Variants in GABRA2 observed in about 807,000 individuals in gnomAD.
The protein encoded by GABRA2 is gamma-aminobutyric acid type A receptor subunit alpha2.
GABRA2 carries 16 observed loss-of-function variants against 48.7 expected under a neutral mutation model. The observed-to-expected ratio is 0.33, with a 90% CI of 0.22 to 0.50. The LOEUF is 0.50. GABRA2 is among the 20% of genes least tolerant of loss of function. The pLI is 0.98. For synonymous variants in GABRA2, 185 were observed against 184.5 expected (o/e 1.00, Z -0.02); for missense variants, 275 against 535.6 (o/e 0.51, Z 4.80).
intron 3 of GABRA2, among the ~76,000 whole-genome samples, chr4:46,334,931 G>A (rs934156514): frequency 1.9e-4 from 29 of 152,146 alleles, no homozygotes; most frequent in Non-Finnish European, 2.5e-4. Flanking sequence ...GTCTGGGAAA[G>A]GTATTCTTAA....
chr4:46,339,767 A>T (rs151058885), intron 3 of GABRA2, among the ~76,000 whole-genome samples: 528 of 151,844 alleles, frequency 3.5e-3, no homozygotes, highest in African/African-American at 0.012. Flanking sequence ...ACCTAATAAT[A>T]TCGGAATGCC....
intron 8 of GABRA2, among the ~76,000 whole-genome samples, chr4:46,284,315 T>C (rs1037786763): frequency 6.6e-5 from 10 of 152,186 alleles, no homozygotes; most frequent in Admixed American, 2.0e-4. Flanking sequence ...ATACTGTTAA[T>C]GCATTGTCTA....
intron 6 of GABRA2, among the ~76,000 whole-genome samples, chr4:46,309,549 C>T (rs1727278622): frequency 6.6e-6 from 1 of 151,836 alleles, no homozygotes; most frequent in Non-Finnish European, 1.5e-5. Flanking sequence ...TCCTCCTTTT[C>T]AATTATTCTG....
chr4:46,390,138 G>A, upstream of GABRA2: 1 of 887,470 alleles, frequency 1.1e-6, no homozygotes, highest in Non-Finnish European at 1.3e-6. Context: ...TGGAGGAGGA[G>A]GAGTCAGGCC....
At chr4:46,254,575 C>T (rs1039716437) in intron 9 of GABRA2, among the ~76,000 whole-genome samples, 7 of 151,202 alleles carry the variant, frequency 4.6e-5, no homozygotes, top group African/African-American at 1.7e-4. Context: ...AAAATATACA[C>T]CGTGTTCCAG....
Position 46,243,716 on chromosome 4 carries a change from T to C in GABRA2, c.*6592A>G, listed in dbSNP as rs936202639. On this transcript the variant is annotated 3_prime_UTR_variant, in exon 10 of 10. Transcript: ENST00000381620. Reference sequence around the variant, plus strand: ...AGGTCACAATTACAAATATTAGTTCTTGAGTTATTTTCATGAACCAGAAAA... The same window carrying C: ...AGGTCACAATTACAAATATTAGTTCCTGAGTTATTTTCATGAACCAGAAAA... 5.9e-5 allele frequency: 9 copies of C among 151,430 alleles called. No individual in the cohort carries two copies. Among genetic ancestry groups the C allele is most frequent in the African/African-American group, 2.2e-4 (9 of 41,378 alleles). 9.4% of individuals were successfully genotyped at this position (151,430 alleles called of 1,614,324 possible). A position where few individuals can be genotyped will look rare whatever the true frequency, so the allele number is the denominator to read the frequency against.
chr4:46,341,401 G>A (rs1052918488), intron 3 of GABRA2, among the ~76,000 whole-genome samples: 4 of 152,026 alleles, frequency 2.6e-5, no homozygotes, highest in Admixed American at 2.0e-4. Flanking sequence ...GTGCATGTAC[G>A]TGTGCATGTG....
In GABRA2 at chr4:46,247,048, G is replaced by A. The variant is rs935490440; in HGVS notation, c.*3260C>T. Among the ~76,000 whole-genome samples, 34 of 151,016 alleles carry A rather than the reference G, an allele frequency of 2.3e-4. No homozygotes were observed. The Middle Eastern group carries it at 0.014, about 60-fold the overall frequency. On this transcript the variant is annotated 3_prime_UTR_variant, in exon 10 of 10. Coordinates refer to ENST00000381620, the MANE Select transcript of GABRA2 (RefSeq NM_000807.4). ...ATGAGAGTAAAATAATAGATTCTGG[G>A]TTGTTTTTAAAAATAAACTATGAAC...
chr4:46,317,438 CATT>C (rs1728730934), intron 4 of GABRA2, among the ~76,000 whole-genome samples: 1 of 151,308 alleles, frequency 6.6e-6, no homozygotes, highest in African/African-American at 2.4e-5. Context: ...ACGATATAGA[CATT>C]ATTAAGAGTA....
At chr4:46,288,698 G>T (rs1411908847) in intron 8 of GABRA2, among the ~76,000 whole-genome samples, 1 of 152,110 alleles carries the variant, frequency 6.6e-6, no homozygotes, top group Non-Finnish European at 1.5e-5. Flanking sequence ...TGCAACAAAA[G>T]TAAAAATTGA....
rs536019144 is a variant in GABRA2 at position 46,245,570 on chromosome 4, C to A, written c.*4738G>T. ...TTACTGAAAAATGTGTTCTAGTGTG[C>A]AAGTTAATTGCTAGTTTAATAAGAG... On this transcript the variant is annotated 3_prime_UTR_variant, in exon 10 of 10. Transcript: ENST00000381620. Among the ~76,000 whole-genome samples, 82 of 151,338 alleles carry A rather than the reference C, an allele frequency of 5.4e-4. No homozygotes were observed. Among genetic ancestry groups the A allele is most frequent in the African/African-American group, 1.6e-3 (67 of 41,446 alleles).
chr4:46,274,703 T>C (rs1473086068), intron 8 of GABRA2, among the ~76,000 whole-genome samples: 1 of 152,120 alleles, frequency 6.6e-6, no homozygotes, highest in Non-Finnish European at 1.5e-5. Flanking sequence ...TTCTCCCCTC[T>C]CTACTTCCTT....
intron 4 of GABRA2, among the ~76,000 whole-genome samples, chr4:46,316,698 C>T (rs542329652): frequency 6.6e-6 from 1 of 152,038 alleles, no homozygotes; most frequent in East Asian, 1.9e-4. Context: ...ATGGTGCAAT[C>T]ACGAGGATTT....
chr4:46,373,899 C>G (rs1253416128), intron 3 of GABRA2, among the ~76,000 whole-genome samples: 1 of 152,088 alleles, frequency 6.6e-6, no homozygotes, highest in East Asian at 1.9e-4. Context: ...TAAATCTATC[C>G]TCCCATACTC....
chr4:46,255,997 A>C (rs973635777), intron 9 of GABRA2, among the ~76,000 whole-genome samples: 10 of 151,532 alleles, frequency 6.6e-5, no homozygotes, highest in Non-Finnish European at 1.3e-4. Context: ...CAAACACTAA[A>C]TATAATAGGC....
At chr4:46,375,620 T>C (rs996187595) in intron 3 of GABRA2, among the ~76,000 whole-genome samples, 3 of 152,206 alleles carry the variant, frequency 2.0e-5, no homozygotes, top group Admixed American at 2.0e-4. Context: ...GTAGATATCA[T>C]AATTCTCTGC....
chr4:46,352,647 C>T (rs930122183), intron 3 of GABRA2, among the ~76,000 whole-genome samples: 5 of 152,074 alleles, frequency 3.3e-5, no homozygotes, highest in African/African-American at 1.2e-4. Context: ...AAATTTTAGA[C>T]AGACCCTTTG....
At chr4:46,355,061 T>C (rs2109927943) in intron 3 of GABRA2, among the ~76,000 whole-genome samples, 2 of 152,224 alleles carry the variant, frequency 1.3e-5, no homozygotes, top group South Asian at 4.1e-4. Context: ...CTGATAAAAA[T>C]ATCCTAGTCT....
chr4:46,384,909 A>C (rs1265569715), intron 3 of GABRA2, among the ~76,000 whole-genome samples: 1 of 152,010 alleles, frequency 6.6e-6, no homozygotes, highest in African/African-American at 2.4e-5. Flanking sequence ...ACAATGTGTC[A>C]TACCTGTGAA....
Sources: gnomAD v4.1 joint callset for allele counts (sites outside exome capture counted in the v4.1 genomes callset) on GRCh38, gnomAD v4.1.1 for gene constraint, MANE v1.5 for transcripts, NCBI Gene and HGNC (gene_info 2026-07-23, HGNC 2026-07-21) for gene names.